Variants in KCNG3 observed in about 807,000 individuals in gnomAD.
KCNG3 encodes voltage-gated potassium channel regulatory subunit KCNG3.
In KCNG3, 15 loss-of-function variants were observed where a neutral mutation model predicts 29.0. That is an observed-to-expected ratio of 0.52 (90% CI 0.35 to 0.80). The LOEUF (loss-of-function observed/expected upper bound fraction) is 0.80. KCNG3 is among the 30% of genes least tolerant of loss of function. KCNG3 has a pLI of 0.01. For missense variants in KCNG3, 512 were observed against 605.7 expected, an observed-to-expected ratio of 0.85 and a Z score of 1.62; for synonymous variants, 322 against 248.9, an observed-to-expected ratio of 1.29 and a Z score of -2.76.
the KCNG3 span, among the ~76,000 whole-genome samples, chr2:42,423,470 ACT>A: frequency 6.6e-6 from 1 of 151,746 alleles, no homozygotes; most frequent in Non-Finnish European, 1.5e-5. Flanking sequence ...CTCCTCACAC[ACT>A]CTCTTCTCTC....
At chr2:42,461,507 G>C (rs914413253) in intron 1 of KCNG3, among the ~76,000 whole-genome samples, 1 of 152,140 alleles carries the variant, frequency 6.6e-6, no homozygotes, top group African/African-American at 2.4e-5. Flanking sequence ...CAGGCGAAGA[G>C]ATCAAAAATC....
chr2:42,484,583 C>T (rs1673676062), intron 1 of KCNG3, among the ~76,000 whole-genome samples: 1 of 152,090 alleles, frequency 6.6e-6, no homozygotes, highest in African/African-American at 2.4e-5. Context: ...TATATATGTT[C>T]ATATGTGCAT....
intron 1 of KCNG3, among the ~76,000 whole-genome samples, chr2:42,448,036 T>C (rs1005274206): frequency 2.6e-5 from 4 of 152,164 alleles, no homozygotes; most frequent in Non-Finnish European, 4.4e-5. Flanking sequence ...GCCTCACTAA[T>C]GTAAAGTATT....
chr2:42,432,819 G>C, the KCNG3 span, among the ~76,000 whole-genome samples: 1 of 151,850 alleles, frequency 6.6e-6, no homozygotes, highest in African/African-American at 2.4e-5. Flanking sequence ...TAAATTTCTT[G>C]CAGAGATTTT....
chr2:42,395,120 C>T, the KCNG3 span, among the ~76,000 whole-genome samples: 3 of 152,180 alleles, frequency 2.0e-5, no homozygotes, highest in Non-Finnish European at 2.9e-5. Flanking sequence ...TTTACTCCTG[C>T]CCCCTCTCCA....
intron 1 of KCNG3, among the ~76,000 whole-genome samples, chr2:42,480,051 C>T (rs892837616): frequency 1.3e-5 from 2 of 152,102 alleles, no homozygotes; most frequent in African/African-American, 2.4e-5. Context: ...CAAAAACACA[C>T]ACAGATAGTA....
chr2:42,473,058 C>G (rs551778577), intron 1 of KCNG3, among the ~76,000 whole-genome samples: 51 of 150,250 alleles, frequency 3.4e-4, no homozygotes, highest in African/African-American at 1.2e-3. Context: ...CCCGCCACCA[C>G]GCCCGGCTAA....
At chr2:42,476,451 TG>T (rs1418182117) in intron 1 of KCNG3, among the ~76,000 whole-genome samples, 1 of 151,834 alleles carries the variant, frequency 6.6e-6, no homozygotes, top group Non-Finnish European at 1.5e-5. Context: ...TAATCCAGCC[TG>T]GACAACAGAG....
At chr2:42,398,144 T>C in the KCNG3 span, among the ~76,000 whole-genome samples, 11 of 151,668 alleles carry the variant, frequency 7.3e-5, no homozygotes, top group East Asian at 1.6e-3. Flanking sequence ...AATGGCGTGA[T>C]CCCAGGAGGC....
chr2:42,443,805 A>G lies in KCNG3; in HGVS notation c.*129T>C, dbSNP rs1572839110. On this transcript the variant is annotated 3_prime_UTR_variant, in exon 2 of 2. Transcript: ENST00000306078. ...AAACTGTTTTATCCCTTCGGCTGGG[A>G]AGGATAATTTTTACCCTACCAAGAT... The G allele has an allele frequency of 1.2e-6, 1 of 827,460 alleles. No homozygotes were observed. The highest frequency in any genetic ancestry group is 1.8e-5 in the South Asian group (1 of 54,158). 51.3% of individuals were successfully genotyped at this position (827,460 alleles called of 1,614,324 possible).
At chr2:42,480,790 T>C (rs1179901261) in intron 1 of KCNG3, among the ~76,000 whole-genome samples, 1 of 151,268 alleles carries the variant, frequency 6.6e-6, no homozygotes, top group African/African-American at 2.4e-5. Flanking sequence ...GTAAAATCCT[T>C]TTTTTTTCTT....
chr2:42,390,554 C>T, the KCNG3 span, among the ~76,000 whole-genome samples: 74 of 152,254 alleles, frequency 4.9e-4, no homozygotes, highest in Admixed American at 4.2e-3. Context: ...AAATGATATA[C>T]GTGAATGATC....
At chr2:42,395,544 T>A in the KCNG3 span, among the ~76,000 whole-genome samples, 1 of 152,188 alleles carries the variant, frequency 6.6e-6, no homozygotes, top group African/African-American at 2.4e-5. Context: ...AATAATGATG[T>A]CTGTGTTGGA....
chr2:42,424,406 T>C, the KCNG3 span, among the ~76,000 whole-genome samples: 3 of 147,770 alleles, frequency 2.0e-5, no homozygotes, highest in Non-Finnish European at 3.0e-5. Context: ...GGGTTCGGGA[T>C]AGACTATGAA....
the KCNG3 span, among the ~76,000 whole-genome samples, chr2:42,411,771 C>T: frequency 6.6e-6 from 1 of 152,228 alleles, no homozygotes; most frequent in African/African-American, 2.4e-5. Context: ...GCATGAGCTA[C>T]TGCGCCCAAC....
intron 1 of KCNG3, 67 bp downstream of exon 1, chr2:42,492,770 G>A: frequency 1.4e-5 from 18 of 1,331,346 alleles, no homozygotes; most frequent in Non-Finnish European, 1.7e-5. Context: ...ACGGAGACGG[G>A]ACGTATGGAC....
chr2:42,407,043 A>G, the KCNG3 span, among the ~76,000 whole-genome samples: 3 of 152,106 alleles, frequency 2.0e-5, no homozygotes, highest in South Asian at 6.2e-4. Context: ...ACAAAACACA[A>G]AACACTTCAC....
the KCNG3 span, among the ~76,000 whole-genome samples, chr2:42,429,410 G>C: frequency 2.0e-5 from 3 of 152,160 alleles, no homozygotes; most frequent in African/African-American, 4.8e-5. Flanking sequence ...CCCACAGAAT[G>C]ATTTATTTTT....
downstream of KCNG3, among the ~76,000 whole-genome samples, chr2:42,440,696 C>T (rs1354917935): frequency 6.6e-6 from 1 of 152,168 alleles, no homozygotes; most frequent in African/African-American, 2.4e-5. Context: ...CAAATGGGTA[C>T]TTATAGGTAA....
Sources: gnomAD v4.1 joint callset for allele counts (sites outside exome capture counted in the v4.1 genomes callset) on GRCh38, gnomAD v4.1.1 for gene constraint, MANE v1.5 for transcripts, NCBI Gene and HGNC (gene_info 2026-07-23, HGNC 2026-07-21) for gene names.